Variants in ERBB4 observed in about 807,000 individuals in gnomAD.
ERBB4 encodes the protein erb-b2 receptor tyrosine kinase 4.
Under a neutral mutation model 158.0 loss-of-function variants are expected in ERBB4, and 42 were observed. The ratio of observed to expected loss-of-function variants is 0.27; its 90% CI spans 0.21 to 0.34. The LOEUF (loss-of-function observed/expected upper bound fraction) is 0.34. Ranked by LOEUF, ERBB4 falls within the 10% of genes least tolerant of loss-of-function variation. The probability of loss-of-function intolerance (pLI) is 1.00; values close to 1 mark genes in which losing one functional copy is unlikely to be tolerated. For synonymous variants in ERBB4, 583 were observed against 558.7 expected, an observed-to-expected ratio of 1.04 and a Z score of -0.61; for missense variants, 1,333 against 1,624.1, an observed-to-expected ratio of 0.82 and a Z score of 3.08.
chr2:211,881,294 A>G (rs2078654253), intron 3 of ERBB4, among the ~76,000 whole-genome samples: 1 of 152,176 alleles, frequency 6.6e-6, no homozygotes, highest in Non-Finnish European at 1.5e-5. Context: ...TTAGGCAGAT[A>G]GTGAGGGCAA....
At chr2:211,944,750 T>G (rs188654739) in intron 3 of ERBB4, among the ~76,000 whole-genome samples, 3 of 152,164 alleles carry the variant, frequency 2.0e-5, no homozygotes, top group Admixed American at 6.6e-5. Context: ...AGAGGGATAC[T>G]TAACACACAA....
chr2:212,009,413 T>C (rs1359163797), intron 2 of ERBB4, among the ~76,000 whole-genome samples: 1 of 151,378 alleles, frequency 6.6e-6, no homozygotes, highest in Non-Finnish European at 1.5e-5. Flanking sequence ...ACTTGGGGGC[T>C]ACTAGATGTT....
At chr2:211,574,358 C>T (rs1457218509) in intron 19 of ERBB4, among the ~76,000 whole-genome samples, 1 of 152,106 alleles carries the variant, frequency 6.6e-6, no homozygotes, top group Non-Finnish European at 1.5e-5. Context: ...TAGATTTTGG[C>T]ATTATAAGAG....
rs1249122855 is a variant in ERBB4 at position 212,003,719 on chromosome 2, C to T, written c.235-56103G>A. On this transcript the variant is annotated intron_variant, in intron 2 of 27. Coordinates refer to ENST00000342788, the MANE Select transcript of ERBB4 (RefSeq NM_005235.3). ...TAAACATTAACTTGAATGATACTAGCGTATTAATCGACCTGTTCCACAGCC... is the reference window on the plus strand; with the variant it reads ...TAAACATTAACTTGAATGATACTAGTGTATTAATCGACCTGTTCCACAGCC... 2.6e-5 allele frequency among the ~76,000 whole-genome samples: 4 copies of T among 152,108 alleles called. No individual in the cohort carries two copies. In the East Asian group the frequency reaches 7.7e-4, roughly 29 times the overall value.
chr2:211,582,496 T>C (rs916627486), intron 19 of ERBB4, among the ~76,000 whole-genome samples: 1 of 152,210 alleles, frequency 6.6e-6, no homozygotes, highest in Non-Finnish European at 1.5e-5. Context: ...TGAGATTCTT[T>C]TGAAAGTTAA....
chr2:211,653,695 G>A (rs934767815), intron 16 of ERBB4, among the ~76,000 whole-genome samples: 3 of 151,938 alleles, frequency 2.0e-5, no homozygotes, highest in Non-Finnish European at 2.9e-5. Context: ...GTTTGAGGGG[G>A]ACAGTGTCTT....
intron 14 of ERBB4, among the ~76,000 whole-genome samples, chr2:211,666,238 T>A (rs2071624422): frequency 6.6e-6 from 1 of 152,128 alleles, no homozygotes; most frequent in South Asian, 2.1e-4. Flanking sequence ...GAAAGCCATA[T>A]AAATGCACAT....
chr2:212,268,900 T>C (rs927776221), intron 1 of ERBB4, among the ~76,000 whole-genome samples: 1 of 151,818 alleles, frequency 6.6e-6, no homozygotes, highest in Non-Finnish European at 1.5e-5. Flanking sequence ...TGAATTATCA[T>C]ACCAGAAAGA....
chr2:212,500,422 T>C (rs1291190661), intron 1 of ERBB4, among the ~76,000 whole-genome samples: 1 of 152,140 alleles, frequency 6.6e-6, no homozygotes, highest in Non-Finnish European at 1.5e-5. Flanking sequence ...GTAATATGAA[T>C]TACCATCTGT....
At chr2:212,167,161 C>G (rs2081370451) in intron 1 of ERBB4, among the ~76,000 whole-genome samples, 1 of 152,032 alleles carries the variant, frequency 6.6e-6, no homozygotes, top group Non-Finnish European at 1.5e-5. Context: ...AGGCAACCTA[C>G]AGAATGAGAG....
intron 25 of ERBB4, among the ~76,000 whole-genome samples, chr2:211,411,076 T>C (rs1172182260): frequency 6.6e-6 from 1 of 152,110 alleles, no homozygotes; most frequent in African/African-American, 2.4e-5. Flanking sequence ...ACCCAGGTAA[T>C]TTTTGTACTT....
intron 1 of ERBB4, among the ~76,000 whole-genome samples, chr2:212,376,910 G>GA (rs2106401308): frequency 6.6e-6 from 1 of 151,934 alleles, no homozygotes; most frequent in East Asian, 1.9e-4. Context: ...AAACTATTGA[G>GA]AAAACACAAT....
At chr2:211,700,895 T>A (rs1174811143) in intron 12 of ERBB4, among the ~76,000 whole-genome samples, 1 of 152,152 alleles carries the variant, frequency 6.6e-6, no homozygotes, top group South Asian at 2.1e-4. Context: ...TTCATTTGAG[T>A]TCGGATTCTT....
intron 1 of ERBB4, among the ~76,000 whole-genome samples, chr2:212,444,379 A>G (rs763418593): frequency 6.6e-6 from 1 of 152,182 alleles, no homozygotes; most frequent in Non-Finnish European, 1.5e-5. Flanking sequence ...GTGCGATTAT[A>G]TACTGTTCAT....
intron 3 of ERBB4, among the ~76,000 whole-genome samples, chr2:211,830,683 A>G (rs2105969188): frequency 6.6e-6 from 1 of 152,266 alleles, no homozygotes; most frequent in African/African-American, 2.4e-5. Flanking sequence ...TCATATTTTT[A>G]TCAATGCAAT....
chr2:212,369,182 TAA>T (rs2089999240), intron 1 of ERBB4, among the ~76,000 whole-genome samples: 1 of 152,150 alleles, frequency 6.6e-6, no homozygotes, highest in African/African-American at 2.4e-5. Context: ...GAAAAGTTCA[TAA>T]AAAGAGATTA....
chr2:212,442,374 C>T (rs1275178773), intron 1 of ERBB4, among the ~76,000 whole-genome samples: 4 of 152,184 alleles, frequency 2.6e-5, no homozygotes, highest in Admixed American at 2.0e-4. Flanking sequence ...GACCCCACTA[C>T]ATTACTGACA....
intron 3 of ERBB4, among the ~76,000 whole-genome samples, chr2:211,814,130 T>C (rs552889307): frequency 6.6e-6 from 1 of 152,260 alleles, no homozygotes; most frequent in Non-Finnish European, 1.5e-5. Flanking sequence ...TAAATACAAA[T>C]ATAAATGCAA....
chr2:211,577,880 C>T (rs530568886), intron 19 of ERBB4, among the ~76,000 whole-genome samples: 1 of 152,128 alleles, frequency 6.6e-6, no homozygotes, highest in African/African-American at 2.4e-5. Flanking sequence ...AATCTGGAAG[C>T]ATTATCTTTG....
Sources: gnomAD v4.1 joint callset for allele counts (sites outside exome capture counted in the v4.1 genomes callset) on GRCh38, gnomAD v4.1.1 for gene constraint, MANE v1.5 for transcripts, NCBI Gene and HGNC (gene_info 2026-07-23, HGNC 2026-07-21) for gene names.